The following ADRA1D variants were observed in gnomAD, a reference collection of about 807,000 sequenced individuals.
ADRA1D encodes adrenoceptor alpha 1D.
A neutral mutation model predicts 18.6 loss-of-function variants in ADRA1D; 22 were observed. The observed-to-expected ratio is 1.19, with a 90% CI of 0.85 to 1.69. ADRA1D has a LOEUF of 1.69. Ranked by LOEUF, ADRA1D falls within the 40% of genes most tolerant of loss-of-function variation. The probability of loss-of-function intolerance (pLI) is 0.00; values close to 1 mark genes in which losing one functional copy is unlikely to be tolerated. For synonymous variants in ADRA1D, 376 were observed against 388.2 expected, an observed-to-expected ratio of 0.97 and a Z score of 0.37; for missense variants, 840 against 840.7, an observed-to-expected ratio of 1.00 and a Z score of 0.01.
intron 1 of ADRA1D, among the ~76,000 whole-genome samples, chr20:4,236,548 C>G (rs6084667): frequency 0.75 from 113,974 of 151,980 alleles, 43,174 homozygotes; most frequent in East Asian, 0.96. Flanking sequence ...GGCTCGAGGG[C>G]AGAAGCAGAA....
At chr20:4,236,442 G>A (rs148212376) in intron 1 of ADRA1D, among the ~76,000 whole-genome samples, 1 of 152,344 alleles carries the variant, frequency 6.6e-6, no homozygotes, top group African/African-American at 2.4e-5. Context: ...TGGGGCATGA[G>A]GAGGAACTGA....
Position 4,247,943 on chromosome 20 carries a change from T to G in ADRA1D, c.1015A>C (p.Lys339Gln), listed in dbSNP as rs1241513659. Residue 339 changes from lysine to glutamine, a missense_variant, in exon 1 of 2, where the codon AAG becomes CAG. Physicochemically the swap from Lys to Gln is moderately conservative, Grantham distance 53. Coordinates refer to ENST00000379453, the MANE Select transcript of ADRA1D (RefSeq NM_000678.4). ...GCCGCTTTCTTCTCACGGGAGAACTTGAGCAGGCGCACGGAGAGCGAGCTG... is the reference window on the plus strand; with the variant it reads ...GCCGCTTTCTTCTCACGGGAGAACTGGAGCAGGCGCACGGAGAGCGAGCTG... ...FRSSLSVRLLKFSREKKAAKT... is the reference protein window; with the variant it reads ...FRSSLSVRLLQFSREKKAAKT... 6.2e-7 allele frequency: 1 copy of G among 1,601,650 alleles called. No individual in the cohort carries two copies. The highest frequency in any genetic ancestry group is 8.5e-7 in the Non-Finnish European group (1 of 1,174,444).
rs3030143 is a variant in ADRA1D at position 4,231,038 on chromosome 20, T to TTTTCTTTCTTTCTTTCTTTCTTTC, written c.1112-8932_1112-8909dup. Among the ~76,000 whole-genome samples the TTTTCTTTCTTTCTTTCTTTCTTTC allele has an allele frequency of 1.6e-3, 177 of 108,608 alleles. 1 individual carries two copies. The highest frequency in any genetic ancestry group is 2.7e-3 in the South Asian group (8 of 2,938). The allele number at this position is 108,608 out of a possible 152,430, so 71.3% of individuals were successfully genotyped here. A position where few individuals can be genotyped will look rare whatever the true frequency, so the allele number is the denominator to read the frequency against. The stretch of plus-strand genomic sequence containing the variant: ...TTCTTTTCTCTTTCTCTTTCTTTCT[T>TTTTCTTTCTTTCTTTCTTTCTTTC]TTTCTTTCTTTCTTTCTTTCTTTCT... On this transcript the variant is annotated intron_variant, in intron 1 of 1. Coordinates refer to ENST00000379453, the MANE Select transcript of ADRA1D (RefSeq NM_000678.4).
At chr20:4,231,413 C>T (rs1180587100) in intron 1 of ADRA1D, among the ~76,000 whole-genome samples, 1 of 151,996 alleles carries the variant, frequency 6.6e-6, no homozygotes, top group East Asian at 1.9e-4. Context: ...GATACCATGT[C>T]TGGCCTGAGA....
intron 1 of ADRA1D, among the ~76,000 whole-genome samples, chr20:4,225,413 CT>C (rs796944639): frequency 1.3e-4 from 16 of 126,304 alleles, no homozygotes; most frequent in Middle Eastern, 4.5e-3. Context: ...GTAGCTATTA[CT>C]TTTTTTTTTC....
rs1981397982 is a variant in ADRA1D, at chr20:4,248,336, T to C, written c.622A>G (p.Met208Val). The change falls in exon 1 of 2, where the codon ATG becomes GTG. Residue 208 changes from methionine (M) to valine (V), a missense_variant. Transcript: ENST00000379453. ...ATGGCGGCCGCCTTGCGCTCGGTCA[T>C]GATGGCTGGGTACTTGAGTGAGTGG... is the stretch of plus-strand genomic sequence containing the variant. Reference protein sequence around the residue: ...VRHSLKYPAIMTERKAAAILA... With the variant: ...VRHSLKYPAIVTERKAAAILA... 1.2e-6 allele frequency: 2 copies of C among 1,606,032 alleles called. No individual in the cohort carries two copies. The highest frequency in any genetic ancestry group is 2.7e-5 in the African/African-American group (2 of 74,830).
intron 1 of ADRA1D, among the ~76,000 whole-genome samples, chr20:4,236,044 G>A (rs1353475441): frequency 7.2e-5 from 11 of 152,212 alleles, no homozygotes; most frequent in Non-Finnish European, 1.3e-4. Context: ...GTGTGTAGGG[G>A]CTGAGGGCTT....
intron 1 of ADRA1D, among the ~76,000 whole-genome samples, chr20:4,242,483 C>T (rs1030355164): frequency 1.4e-4 from 21 of 152,166 alleles, no homozygotes; most frequent in African/African-American, 5.1e-4. Context: ...TACAGTGCAT[C>T]GTGATAAAAG....
At chr20:4,227,616 C>T (rs908508090) in intron 1 of ADRA1D, among the ~76,000 whole-genome samples, 3 of 152,008 alleles carry the variant, frequency 2.0e-5, no homozygotes, top group Non-Finnish European at 2.9e-5. Context: ...TACCTTGGTC[C>T]AGGCTACCAT....
At chr20:4,223,365 C>T (rs765461382) in intron 1 of ADRA1D, among the ~76,000 whole-genome samples, 6 of 152,186 alleles carry the variant, frequency 3.9e-5, no homozygotes, top group South Asian at 2.1e-4. Context: ...AAGCGTGACT[C>T]TGAGAAGGGA....
At chr20:4,234,112 A>G (rs766467489) in intron 1 of ADRA1D, among the ~76,000 whole-genome samples, 6 of 152,210 alleles carry the variant, frequency 3.9e-5, no homozygotes, top group Non-Finnish European at 8.8e-5. Context: ...CCTGGCCCAC[A>G]TATTGTTGGG....
chr20:4,231,022 C>CTT, intron 1 of ADRA1D, among the ~76,000 whole-genome samples: 1 of 141,366 alleles, frequency 7.1e-6, no homozygotes, highest in African/African-American at 2.6e-5. Flanking sequence ...TTTCTTTTCT[C>CTT]TTTCTCTTTC....
intron 1 of ADRA1D, among the ~76,000 whole-genome samples, chr20:4,224,993 GTTTTTTTTTT>G (rs562415272): frequency 1.7e-5 from 2 of 120,060 alleles, no homozygotes; most frequent in Non-Finnish European, 3.4e-5. Flanking sequence ...GGCCATCTAA[GTTTTTTTTTT>G]TTTTTTTTTT....
intron 1 of ADRA1D, among the ~76,000 whole-genome samples, chr20:4,243,957 GT>G (rs1344849677): frequency 2.0e-5 from 3 of 152,212 alleles, no homozygotes; most frequent in Non-Finnish European, 4.4e-5. Flanking sequence ...GCCCACATCT[GT>G]GTCCCAGTGT....
rs201037962 is a variant in ADRA1D, at chr20:4,248,020, G to C, written c.938C>G (p.Thr313Arg). Residue 313 changes from threonine (T) to arginine (R), a missense_variant, in exon 1 of 2, where the codon ACG becomes AGG. Thr to Arg is a moderately conservative substitution (Grantham distance 71, BLOSUM62 -1). Transcript: ENST00000379453. The stretch of plus-strand genomic sequence containing the variant: ...CATGCCGTGCGCCCCGTCGGCGCCC[G>C]TGGCCGCGCCGCGACAGTGGATGCG... ...VLRIHCRGAA[T>R]GADGAHGMRS... The C allele has an allele frequency of 8.1e-5, 126 of 1,555,076 alleles. No homozygotes were observed. In the African/African-American group the frequency reaches 1.6e-3, roughly 20 times the overall value.
chr20:4,228,182 C>A (rs1321756260), intron 1 of ADRA1D, among the ~76,000 whole-genome samples: 1 of 152,130 alleles, frequency 6.6e-6, no homozygotes, highest in African/African-American at 2.4e-5. Context: ...TCTTTTCCAC[C>A]AACCCCCTCA....
intron 1 of ADRA1D, among the ~76,000 whole-genome samples, chr20:4,231,387 G>T (rs1019748611): frequency 1.3e-5 from 2 of 151,894 alleles, no homozygotes; most frequent in African/African-American, 2.4e-5. Context: ...CCAAAGTGCT[G>T]GGATTCCAGG....
Position 4,222,149 on chromosome 20 carries a change from G to A in ADRA1D, c.1112-19C>T, listed in dbSNP as rs1351507060. On this transcript the variant is annotated intron_variant, in intron 1 of 1. Transcript: ENST00000379453. This position sits in a 1 kb window ranked among gnomAD's most constrained non-coding sequence, Gnocchi z 4.3. ...AAGGAGCCTGTAGGGAGCAGAGACC[G>A]ATACTATTTAGCTGCTTGGGGAGGG... 2.5e-6 allele frequency: 4 copies of A among 1,609,520 alleles called. No individual in the cohort carries two copies. In the Admixed American group the frequency reaches 5.0e-5, roughly 20 times the overall value.
chr20:4,228,819 C>CA lies in ADRA1D; in HGVS notation c.1112-6690dup, dbSNP rs552415766. 2.7e-3 allele frequency among the ~76,000 whole-genome samples: 407 copies of CA among 152,292 alleles called. 3 individuals are homozygous for CA. Among genetic ancestry groups the CA allele is most frequent in the Non-Finnish European group, 3.1e-3 (212 of 68,014 alleles). ...ATGGTGGAGCCCTCGATCCTTAAGC[C>CA]ACCCACAAGCCTGCCTTGGTTACAG... On this transcript the variant is annotated intron_variant, in intron 1 of 1. Transcript: ENST00000379453.
Sources: gnomAD v4.1 joint callset for allele counts (sites outside exome capture counted in the v4.1 genomes callset) on GRCh38, gnomAD v4.1.1 for gene constraint, Gnocchi (gnomAD v3.1) non-coding constraint, MANE v1.5 for transcripts, NCBI Gene and HGNC (gene_info 2026-07-23, HGNC 2026-07-21) for gene names.